Variants in THOC1 observed in about 807,000 individuals in gnomAD.
THOC1 encodes THO complex subunit 1.
Under a neutral mutation model 97.3 loss-of-function variants are expected in THOC1, and 29 were observed. The observed-to-expected ratio is 0.30, with a 90% confidence interval of 0.22 to 0.41. THOC1 has a LOEUF of 0.41. THOC1 is among the 10% of genes least tolerant of loss of function. The pLI is 1.00. For synonymous variants in THOC1, 255 were observed against 257.0 expected (o/e 0.99, Z 0.07); for missense variants, 529 against 761.9 (o/e 0.69, Z 3.60).
rs1315204059 is a variant in THOC1, at chr18:267,274, CT to C, written c.54+691del. Among the ~76,000 whole-genome samples, 18 of 152,260 alleles carry C rather than the reference CT, an allele frequency of 1.2e-4. No individual in the cohort carries two copies. In the South Asian group the frequency reaches 3.7e-3, roughly 32 times the overall value. ...GTCAGAAAAACCACTGAAGTCACAA[CT>C]TTTTGGGGGGTGTCAGCTTCTACCT... On this transcript the variant is annotated intron_variant, in intron 1 of 20. Coordinates refer to ENST00000261600, the MANE Select transcript of THOC1 (RefSeq NM_005131.3).
At chr18:251,212 GC>G (rs1276998628) in intron 9 of THOC1, among the ~76,000 whole-genome samples, 1 of 152,078 alleles carries the variant, frequency 6.6e-6, no homozygotes, top group Non-Finnish European at 1.5e-5. Flanking sequence ...TAAGTAATTG[GC>G]CCCAGGTCAC....
At position 264,104 on chromosome 18, in the gene THOC1, G is replaced by A; in HGVS notation, c.190-12C>T. ...GATGAATGATTTATCTACCAACAGA[G>A]GAGAAACAATTTAATTTAGGGGCAA... On this transcript the variant is annotated splice_polypyrimidine_tract_variant and intron_variant, in intron 3 of 20. Coordinates refer to ENST00000261600, the MANE Select transcript of THOC1 (RefSeq NM_005131.3). 1 of 1,598,028 alleles carries A rather than the reference G, an allele frequency of 6.3e-7. No homozygotes were observed. Among genetic ancestry groups the A allele is most frequent in the Non-Finnish European group, 8.6e-7 (1 of 1,169,012 alleles).
chr18:227,491 G>A (rs763480421), intron 11 of THOC1, among the ~76,000 whole-genome samples: 3 of 151,886 alleles, frequency 2.0e-5, no homozygotes, highest in Non-Finnish European at 2.9e-5. Context: ...GAAATTAGAG[G>A]TGAAGATCAT....
chr18:245,250 T>C (rs2143246322), intron 11 of THOC1: 1 of 152,326 alleles, frequency 6.6e-6, no homozygotes, highest in East Asian at 1.9e-4. Flanking sequence ...TTTTAATTTA[T>C]CAGAGTTTTG....
intron 9 of THOC1, among the ~76,000 whole-genome samples, chr18:248,833 C>T (rs1912180253): frequency 6.6e-6 from 1 of 152,072 alleles, no homozygotes; most frequent in East Asian, 1.9e-4. Context: ...TCACTGCAAG[C>T]TCCGCCTCCC....
chr18:227,313 T>TA (rs1911325418), intron 11 of THOC1, among the ~76,000 whole-genome samples: 1 of 151,132 alleles, frequency 6.6e-6, no homozygotes, highest in African/African-American at 2.5e-5. Context: ...GACTCTAAAT[T>TA]TAAAAAAAAA....
At chr18:250,115 G>A (rs1912233792) in intron 9 of THOC1, among the ~76,000 whole-genome samples, 1 of 152,004 alleles carries the variant, frequency 6.6e-6, no homozygotes, top group Non-Finnish European at 1.5e-5. Flanking sequence ...TAATTGGCTT[G>A]GTGGGTATTT....
intron 1 of THOC1, among the ~76,000 whole-genome samples, chr18:266,325 G>C (rs1265300615): frequency 1.3e-5 from 2 of 152,046 alleles, no homozygotes; most frequent in African/African-American, 4.8e-5. Context: ...TTATCTCTTT[G>C]TGCTTCATTT....
chr18:216,232 G>C (rs1179341099), intron 19 of THOC1: 1 of 356,336 alleles, frequency 2.8e-6, no homozygotes, highest in African/African-American at 2.1e-5. Context: ...GATTACAGTC[G>C]TGAGCCACCG....
Position 214,640 on chromosome 18 carries a change from C to T in THOC1, c.1960G>A (p.Glu654Lys). ...DLAESLTNDN[E>K]TNS ...AAAAAAAGAAGCTAACTATTTGTCT[C>T]ATTGTCATTAGTTAGACTTTCTGCA... The change falls in exon 21 of 21, where the codon GAG (glutamate) becomes AAG (lysine). Residue 654 changes from glutamate to lysine, a missense_variant. By Grantham distance (56) the Glu-to-Lys change is moderately conservative. Coordinates refer to ENST00000261600, the MANE Select transcript of THOC1 (RefSeq NM_005131.3). The T allele has an allele frequency of 2.9e-5, 47 of 1,610,762 alleles. No homozygotes were observed. Among genetic ancestry groups the T allele is most frequent in the Non-Finnish European group, 3.9e-5 (46 of 1,178,192 alleles).
rs142736785 is a variant in THOC1 at position 235,774 on chromosome 18, C to T, written c.919-8873G>A. Among the ~76,000 whole-genome samples, 691 of 152,230 alleles carry T rather than the reference C, an allele frequency of 4.5e-3. 6 individuals are homozygous for T. The highest frequency in any genetic ancestry group is 7.6e-3 in the Non-Finnish European group (517 of 68,018). ...ATTTCTTTGTGACCTAGTACATGGT[C>T]AAATTTTGTGAATGTTCCACGTATA... is the stretch of plus-strand genomic sequence containing the variant. On this transcript the variant is annotated intron_variant, in intron 11 of 20. Transcript: ENST00000261600.
chr18:254,360 TA>T lies in THOC1; in HGVS notation c.521-6del. ...ACTGACTCTGCAAGTTAAGACCTAG[TA>T]AAAAAACAAAAAAAAGATGCAAAGC... On this transcript the variant is annotated splice_polypyrimidine_tract_variant and splice_region_variant and intron_variant, in intron 7 of 20. Coordinates refer to ENST00000261600, the MANE Select transcript of THOC1 (RefSeq NM_005131.3). The surrounding 1 kb of genome is among the most constrained non-coding windows in gnomAD (Gnocchi z 4.1). 1.3e-6 allele frequency: 2 copies of T among 1,547,540 alleles called. No individual in the cohort carries two copies. Among genetic ancestry groups the T allele is most frequent in the Non-Finnish European group, 1.8e-6 (2 of 1,142,088 alleles).
chr18:229,090 T>C (rs1483707703), intron 11 of THOC1, among the ~76,000 whole-genome samples: 1 of 152,178 alleles, frequency 6.6e-6, no homozygotes, highest in Non-Finnish European at 1.5e-5. Flanking sequence ...TTACTTCATT[T>C]CCTTCTGTCA....
At chr18:218,382 G>C in intron 18 of THOC1, among the ~76,000 whole-genome samples, 1 of 152,106 alleles carries the variant, frequency 6.6e-6, no homozygotes, top group East Asian at 1.9e-4. Context: ...CACCCAGAAG[G>C]TTCTAGATAA....
chr18:214,764 T>A lies in THOC1; in HGVS notation c.1836A>T (p.Arg612Ser). Residue 612 changes from arginine to serine, a missense_variant, in exon 21 of 21, where the codon AGA (arginine) becomes AGT (serine). By Grantham distance (110) the Arg-to-Ser change is moderately radical (BLOSUM62 -1). Transcript: ENST00000261600. ...IECDSEDMKM[R>S]AKQLLVAWQD... ...GCCAGGCAACCAGGAGCTGCTTAGC[T>A]CTCATCTTCATGTCTTCACTGTCAC... 1 of 1,613,970 alleles carries A rather than the reference T, an allele frequency of 6.2e-7. No individual in the cohort carries two copies. The highest frequency in any genetic ancestry group is 8.5e-7 in the Non-Finnish European group (1 of 1,179,864).
At chr18:230,847 C>T (rs565542899) in intron 11 of THOC1, among the ~76,000 whole-genome samples, 20 of 152,300 alleles carry the variant, frequency 1.3e-4, no homozygotes, top group African/African-American at 3.4e-4. Flanking sequence ...CCAATTCTCT[C>T]GCCTCAGCCT....
chr18:221,902 C>G (rs1388113006), intron 17 of THOC1, among the ~76,000 whole-genome samples: 1 of 152,186 alleles, frequency 6.6e-6, no homozygotes, highest in Non-Finnish European at 1.5e-5. Flanking sequence ...GCCACCGCGC[C>G]TGGCCGATAG....
intron 11 of THOC1, among the ~76,000 whole-genome samples, chr18:232,164 T>C (rs1911505940): frequency 6.6e-6 from 1 of 152,220 alleles, no homozygotes; most frequent in South Asian, 2.1e-4. Flanking sequence ...AGCATGAATA[T>C]GGCTCACTGC....
chr18:260,095 C>T (rs1912556651), intron 5 of THOC1, 91 bp downstream of exon 5: 3 of 817,798 alleles, frequency 3.7e-6, no homozygotes, highest in African/African-American at 2.2e-5. Context: ...TTCAGCAATA[C>T]TACAAATAAA....
Sources: allele counts gnomAD v4.1 joint callset (sites outside exome capture counted in the v4.1 genomes callset), GRCh38; gene constraint gnomAD v4.1.1; non-coding constraint Gnocchi (gnomAD v3.1); transcripts MANE v1.5; gene names NCBI Gene and HGNC (gene_info 2026-07-23, HGNC 2026-07-21).